The following GLYCTK variants were observed in gnomAD, a reference collection of about 807,000 sequenced individuals.
The protein encoded by GLYCTK is HBeAg binding protein 4.
In GLYCTK, 22 loss-of-function variants were observed where a neutral mutation model predicts 24.8. The observed-to-expected ratio is 0.89, with a 90% confidence interval of 0.63 to 1.27. The LOEUF (loss-of-function observed/expected upper bound fraction) is 1.27. Among genes scored for constraint, GLYCTK ranks in the 50% most tolerant of loss-of-function variants. The pLI is 0.00. For synonymous variants in GLYCTK, 320 were observed against 297.2 expected (o/e 1.08, Z -0.79); for missense variants, 684 against 686.7 (o/e 1.00, Z 0.04).
chr3:52,291,922 G>C lies in GLYCTK; in HGVS notation c.705G>C (p.Gln235His), dbSNP rs747006795. The C allele has an allele frequency of 8.7e-6, 14 of 1,611,434 alleles. No individual in the cohort carries two copies. The highest frequency in any genetic ancestry group is 1.1e-5 in the Non-Finnish European group (13 of 1,178,548). The change falls in exon 4 of 5, where the codon CAG becomes CAC. Residue 235 changes from glutamine (Q) to histidine (H), a missense_variant and splice_region_variant. By Grantham distance (24) the Gln-to-His change is conservative. Transcript: ENST00000436784. Reference sequence around the variant, plus strand: ...TGGCTCAGGCCGCCTACCCTGCCCAGGTATGAGTCCCTTCTTCCCCAGGCA... The same window carrying C: ...TGGCTCAGGCCGCCTACCCTGCCCACGTATGAGTCCCTTCTTCCCCAGGCA... ...GGLAQAAYPAQVVSLILSDVV... is the reference protein window; with the variant it reads ...GGLAQAAYPAHVVSLILSDVV...
Position 52,294,644 on chromosome 3 carries a change from C to T in GLYCTK, c.*1518C>T, listed in dbSNP as rs1015819908. 2 of 446,356 alleles carry T rather than the reference C, an allele frequency of 4.5e-6. No homozygotes were observed. Among genetic ancestry groups the T allele is most frequent in the Admixed American group, 2.4e-5 (1 of 41,810 alleles). 27.6% of individuals were successfully genotyped at this position (446,356 alleles called of 1,614,324 possible). On this transcript the variant is annotated 3_prime_UTR_variant, in exon 5 of 5. Coordinates refer to ENST00000436784, the MANE Select transcript of GLYCTK (RefSeq NM_145262.4). ...AGTTCCTGCTGACTAGGGTCACAGT[C>T]TCTGGGGTTATGGTGATCCTCGCAT...
In GLYCTK at chr3:52,294,897, C is replaced by CA. The variant is rs1700591987; in HGVS notation, c.*1772dup. 2.2e-6 allele frequency: 1 copy of CA among 454,040 alleles called. No homozygotes were observed. The highest frequency in any genetic ancestry group is 4.4e-6 in the Non-Finnish European group (1 of 226,778). The allele number at this position is 454,040 out of a possible 1,614,324, so 28.1% of individuals were successfully genotyped here. On this transcript the variant is annotated 3_prime_UTR_variant, in exon 5 of 5. Coordinates refer to ENST00000436784, the MANE Select transcript of GLYCTK (RefSeq NM_145262.4). ...ATACAGACGTTGGTGTTGGCGTACT[C>CA]AGAGTGGGAATGCATCTCTGAGTGT...
Position 52,293,040 on chromosome 3 carries a change from C to G in GLYCTK, c.1486C>G (p.Leu496Val). The G allele has an allele frequency of 6.2e-7, 1 of 1,614,178 alleles. No homozygotes were observed. Among genetic ancestry groups the G allele is most frequent in the Non-Finnish European group, 8.5e-7 (1 of 1,180,044 alleles). Residue 496 changes from leucine (L) to valine (V), a missense_variant, in exon 5 of 5, where the codon CTC becomes GTC. Coordinates refer to ENST00000436784, the MANE Select transcript of GLYCTK (RefSeq NM_145262.4). ...HNDSHTFFCCLQGGAHLLHTG... is the reference protein window; with the variant it reads ...HNDSHTFFCCVQGGAHLLHTG... Reference sequence around the variant, plus strand: ...TGACTCACATACCTTCTTCTGCTGCCTCCAGGGTGGGGCACACCTGCTGCA... The same window carrying G: ...TGACTCACATACCTTCTTCTGCTGCGTCCAGGGTGGGGCACACCTGCTGCA...
chr3:52,290,245 C>T (rs944937352), intron 1 of GLYCTK, 59 bp from the exon 2 acceptor site: 22 of 1,426,592 alleles, frequency 1.5e-5, no homozygotes, highest in African/African-American at 4.2e-5. Flanking sequence ...GAGGGGCGGC[C>T]GTGGGGGACC....
chr3:52,293,585 C>T lies in GLYCTK; in HGVS notation c.*459C>T, dbSNP rs1368852133. 2.2e-6 allele frequency: 1 copy of T among 457,532 alleles called. No homozygotes were observed. Among genetic ancestry groups the T allele is most frequent in the Non-Finnish European group, 4.4e-6 (1 of 229,316 alleles). 28.3% of individuals were successfully genotyped at this position (457,532 alleles called of 1,614,324 possible). A position where few individuals can be genotyped will look rare whatever the true frequency, so the allele number is the denominator to read the frequency against. ...GGGCCTGGCAGGACTCTTAACACCC[C>T]TCTACTGGGCTGGGTACGTGCAGGA... On this transcript the variant is annotated 3_prime_UTR_variant, in exon 5 of 5. Transcript: ENST00000436784.
At position 52,294,365 on chromosome 3, in the gene GLYCTK, G is replaced by A. The variant is rs376306619; in HGVS notation, c.*1239G>A. The A allele has an allele frequency of 3.8e-6, 2 of 533,316 alleles. No homozygotes were observed. Among genetic ancestry groups the A allele is most frequent in the African/African-American group, 1.9e-5 (1 of 51,962 alleles). 33.0% of individuals were successfully genotyped at this position (533,316 alleles called of 1,614,324 possible). A position where few individuals can be genotyped will look rare whatever the true frequency, so the allele number is the denominator to read the frequency against. On this transcript the variant is annotated 3_prime_UTR_variant, in exon 5 of 5. Transcript: ENST00000436784. The stretch of plus-strand genomic sequence containing the variant: ...CAACCCTCCCCTCCTCCCTGAGGGT[G>A]TGGAGGGGCCCTGGGCCAGGGCTGG...
intron 3 of GLYCTK, 191 bp from the exon 4 acceptor site, chr3:52,291,554 TGG>T (rs1700470091): frequency 1.6e-6 from 1 of 606,822 alleles, no homozygotes; most frequent in Non-Finnish European, 2.9e-6. Context: ...TACTGGGACC[TGG>T]GGTACCCCAA....
In GLYCTK at chr3:52,290,876, C is replaced by T. The variant is rs1262137141; in HGVS notation, c.378-84C>T. On this transcript the variant is annotated intron_variant, in intron 2 of 4. Transcript: ENST00000436784. Reference sequence around the variant, plus strand: ...ATGTCAGTGGGCATCTTCGTTCATGCCCCCATCACCTGTAAAGTTGAGAGA... The same window carrying T: ...ATGTCAGTGGGCATCTTCGTTCATGTCCCCATCACCTGTAAAGTTGAGAGA... 3.1e-6 allele frequency: 5 copies of T among 1,595,342 alleles called. No homozygotes were observed. In the African/African-American group the frequency reaches 4.0e-5, roughly 13 times the overall value.
Position 52,293,116 on chromosome 3 carries a change from G to A in GLYCTK, c.1562G>A (p.Arg521Gln), listed in dbSNP as rs774760990. 16 of 1,613,670 alleles carry A rather than the reference G, an allele frequency of 9.9e-6. No homozygotes were observed. The highest frequency in any genetic ancestry group is 1.3e-5 in the Non-Finnish European group (15 of 1,180,046). Residue 521 changes from arginine to glutamine, a missense_variant, in exon 5 of 5, where the codon CGG becomes CAG. Transcript: ENST00000436784. ...ATGGACACCCACCTCTTGTTCCTGCGGCCTCGGTGATGGCATAGGTCACAT... is the reference window on the plus strand; with the variant it reads ...ATGGACACCCACCTCTTGTTCCTGCAGCCTCGGTGATGGCATAGGTCACAT... Reference protein sequence around the residue: ...NVMDTHLLFLRPR With the variant: ...NVMDTHLLFLQPR
rs748242872 is a variant in GLYCTK at position 52,290,596 on chromosome 3, G to A, written c.254G>A (p.Gly85Asp). Residue 85 changes from glycine (G) to aspartate (D), a missense_variant, in exon 2 of 5, where the codon GGC (glycine) becomes GAC (aspartate). Gly to Asp is a moderately conservative substitution (Grantham distance 94). Transcript: ENST00000436784. ...FQLRQNLYLV[G>D]FGKAVLGMAA... ...CTGAGGCAAAACCTCTACCTGGTGG[G>A]CTTTGGCAAGGCTGTGCTGGGTATG... is the stretch of plus-strand genomic sequence containing the variant. The A allele has an allele frequency of 9.8e-5, 158 of 1,613,992 alleles. 2 individuals are homozygous for A. In the South Asian group the frequency reaches 1.7e-3, roughly 17 times the overall value.
In GLYCTK at chr3:52,293,227, C is replaced by T. The variant is rs865778756; in HGVS notation, c.*101C>T. ...CAGGGCCTCTCTAAGCCTTAGGGCC[C>T]CTCCTCTCCTTGGCCTTGGCTGTTT... On this transcript the variant is annotated 3_prime_UTR_variant, in exon 5 of 5. Transcript: ENST00000436784. 4 of 1,211,058 alleles carry T rather than the reference C, an allele frequency of 3.3e-6. No individual in the cohort carries two copies. The highest frequency in any genetic ancestry group is 4.8e-6 in the Non-Finnish European group (4 of 836,658). 75.0% of individuals were successfully genotyped at this position (1,211,058 alleles called of 1,614,324 possible).
At chr3:52,291,161 A>C in intron 3 of GLYCTK, 50 bp downstream of exon 3, 1 of 1,592,620 alleles carries the variant, frequency 6.3e-7, no homozygotes, top group South Asian at 1.1e-5. Flanking sequence ...GCACCACCTG[A>C]TCTCTCAGGT....
Position 52,293,143 on chromosome 3 carries a change from T to C in GLYCTK, c.*17T>C. 2 of 1,612,862 alleles carry C rather than the reference T, an allele frequency of 1.2e-6. No individual in the cohort carries two copies. Among genetic ancestry groups the C allele is most frequent in the Non-Finnish European group, 1.7e-6 (2 of 1,180,006 alleles). On this transcript the variant is annotated 3_prime_UTR_variant, in exon 5 of 5. Transcript: ENST00000436784. ...CCTCGGTGATGGCATAGGTCACATT[T>C]TGGGAGTTCAGAGGAGGCCTACAAG...
Position 52,290,263 on chromosome 3 carries a change from T to G in GLYCTK, c.-39-41T>G, listed in dbSNP as rs1261603426. The G allele has an allele frequency of 1.8e-5, 28 of 1,528,428 alleles. No homozygotes were observed. In the African/African-American group the frequency reaches 3.8e-4, roughly 21 times the overall value. The allele number at this position is 1,528,428 out of a possible 1,614,324, so 94.7% of individuals were successfully genotyped here. On this transcript the variant is annotated intron_variant, in intron 1 of 4. Coordinates refer to ENST00000436784, the MANE Select transcript of GLYCTK (RefSeq NM_145262.4). Reference sequence around the variant, plus strand: ...GGGCGGCCGTGGGGGACCTCCTGTCTTTTGCCTTGCAAGGGCCTCAGTTGT... The same window carrying G: ...GGGCGGCCGTGGGGGACCTCCTGTCGTTTGCCTTGCAAGGGCCTCAGTTGT...
chr3:52,294,469 G>A lies in GLYCTK; in HGVS notation c.*1343G>A. On this transcript the variant is annotated 3_prime_UTR_variant, in exon 5 of 5. Transcript: ENST00000436784. ...TAGCTTGCAGACAGTTCATGACCTG[G>A]GGGCCTGGCTCACACAGGGCAGGCT... The A allele has an allele frequency of 2.4e-6, 1 of 410,596 alleles. No homozygotes were observed. The allele number at this position is 410,596 out of a possible 1,614,324, so 25.4% of individuals were successfully genotyped here.
chr3:52,293,228 C>T lies in GLYCTK; in HGVS notation c.*102C>T. 1 of 1,210,720 alleles carries T rather than the reference C, an allele frequency of 8.3e-7. No homozygotes were observed. The highest frequency in any genetic ancestry group is 1.2e-6 in the Non-Finnish European group (1 of 836,224). The allele number at this position is 1,210,720 out of a possible 1,614,324, so 75.0% of individuals were successfully genotyped here. ...AGGGCCTCTCTAAGCCTTAGGGCCC[C>T]TCCTCTCCTTGGCCTTGGCTGTTTG... On this transcript the variant is annotated 3_prime_UTR_variant, in exon 5 of 5. Transcript: ENST00000436784.
At position 52,293,489 on chromosome 3, in the gene GLYCTK, T is replaced by G; in HGVS notation, c.*363T>G. 1.2e-5 allele frequency: 6 copies of G among 482,488 alleles called. No individual in the cohort carries two copies. Among genetic ancestry groups the G allele is most frequent in the East Asian group, 6.2e-5 (1 of 16,064 alleles). The allele number at this position is 482,488 out of a possible 1,614,324, so 29.9% of individuals were successfully genotyped here. A position where few individuals can be genotyped will look rare whatever the true frequency, so the allele number is the denominator to read the frequency against. The stretch of plus-strand genomic sequence containing the variant: ...CCATGCCATGGGTTCTCAGTGCGCC[T>G]TCCCTCAGAGTGAGGCCTCACGGGG... On this transcript the variant is annotated 3_prime_UTR_variant, in exon 5 of 5. Transcript: ENST00000436784.
In GLYCTK at chr3:52,291,029, C is replaced by G; in HGVS notation, c.447C>G (p.Arg149=). ...GTGCGGAGGACAACCTCCCGGACCG[C>G]GATGCGCTGCGGGCTGCACTGGCCA... ...FEGAEDNLPD[R]DALRAALAIQ... is the part of the protein sequence containing the mutation. The change falls in exon 3 of 5, where the codon CGC becomes CGG. Residue 149 remains arginine (R), a synonymous_variant. Coordinates refer to ENST00000436784, the MANE Select transcript of GLYCTK (RefSeq NM_145262.4). 6.2e-7 allele frequency: 1 copy of G among 1,613,836 alleles called. No homozygotes were observed. Among genetic ancestry groups the G allele is most frequent in the African/African-American group, 1.3e-5 (1 of 75,044 alleles).
At position 52,294,419 on chromosome 3, in the gene GLYCTK, T is replaced by A. The variant is rs768783135; in HGVS notation, c.*1293T>A. On this transcript the variant is annotated 3_prime_UTR_variant, in exon 5 of 5. Transcript: ENST00000436784. ...GACTTTCCCCTGGGAAGGGTTTCCC[T>A]TCCCCACCTGGGCTCTGGGCAGCCT... 2.0e-6 allele frequency: 1 copy of A among 489,030 alleles called. No individual in the cohort carries two copies. The highest frequency in any genetic ancestry group is 1.5e-5 in the South Asian group (1 of 67,758). 30.3% of individuals were successfully genotyped at this position (489,030 alleles called of 1,614,324 possible). A position where few individuals can be genotyped will look rare whatever the true frequency, so the allele number is the denominator to read the frequency against.
Sources: gnomAD v4.1 joint callset for allele counts on GRCh38, gnomAD v4.1.1 for gene constraint, MANE v1.5 for transcripts, NCBI Gene and HGNC (gene_info 2026-07-23, HGNC 2026-07-21) for gene names.